The following ELP6 variants were observed in gnomAD, a reference collection of about 807,000 sequenced individuals.
ELP6 encodes the protein elongator complex protein 6.
A neutral mutation model predicts 28.1 loss-of-function variants in ELP6; 23 were observed. The ratio of observed to expected loss-of-function variants is 0.82; its 90% CI spans 0.59 to 1.16. ELP6 has a LOEUF of 1.16. Among genes scored for constraint, ELP6 ranks in the 50% most tolerant of loss-of-function variants. ELP6 has a pLI of 0.00. For synonymous variants in ELP6, 132 were observed against 135.8 expected, an observed-to-expected ratio of 0.97 and a Z score of 0.19; for missense variants, 313 against 334.6, an observed-to-expected ratio of 0.94 and a Z score of 0.50.
rs1179494287 is a variant in ELP6 at position 47,501,815 on chromosome 3, C to T, written c.360G>A (p.Glu120=). The change falls in exon 5 of 7, where the codon GAG becomes GAA. Residue 120 remains glutamate (E), a synonymous_variant. Transcript: ENST00000296149. ...ANAGNLKPLF[E]FVREALKPVD... ...CTGGCTTCAGGGCCTCCCGTACAAA[C>T]TCAAACAATGGTTTCAAGTTCCCAG... The T allele has an allele frequency of 1.2e-6, 2 of 1,613,928 alleles. No individual in the cohort carries two copies. The highest frequency in any genetic ancestry group is 1.7e-6 in the Non-Finnish European group (2 of 1,180,002).
intron 3 of ELP6, among the ~76,000 whole-genome samples, chr3:47,506,908 C>T (rs530027972): frequency 3.3e-5 from 5 of 152,290 alleles, no homozygotes; most frequent in East Asian, 3.9e-4. Flanking sequence ...TGGCTTCAGC[C>T]GGTCCCTCCG....
In ELP6 at chr3:47,503,318, C is replaced by T. The variant is rs17079693; in HGVS notation, c.323+1012G>A. 0.014 allele frequency: 17,819 copies of T among 1,288,152 alleles called. 2,045 individuals carry two copies. The African/African-American group carries it at 0.24, about 17-fold the overall frequency. The allele number at this position is 1,288,152 out of a possible 1,614,324, so 79.8% of individuals were successfully genotyped here. A position where few individuals can be genotyped will look rare whatever the true frequency, so the allele number is the denominator to read the frequency against. ...GGACCACTTTGTAGTGGACGAAGAA[C>T]AGCAGCCAAGCGGGGAGTCTTCACA... On this transcript the variant is annotated intron_variant, in intron 4 of 6. Coordinates refer to ENST00000296149, the MANE Select transcript of ELP6 (RefSeq NM_001031703.3).
At position 47,495,831 on chromosome 3, in the gene ELP6, G is replaced by A. The variant is rs1288580418; in HGVS notation, c.*238C>T. On this transcript the variant is annotated 3_prime_UTR_variant, in exon 7 of 7. Transcript: ENST00000296149. ...GCTCCAAAGGACCCCTTTCACTTGG[G>A]TCTAGCATCCAGCCTCTCTCTCAGC... 1 of 547,798 alleles carries A rather than the reference G, an allele frequency of 1.8e-6. No homozygotes were observed. The highest frequency in any genetic ancestry group is 2.0e-5 in the African/African-American group (1 of 50,934). 33.9% of individuals were successfully genotyped at this position (547,798 alleles called of 1,614,324 possible).
In ELP6 at chr3:47,511,158, G is replaced by A. The variant is rs1344143762; in HGVS notation, c.123C>T (p.Phe41=). ...CAATGAGTCCCATACCTTTGAGATA[G>A]AAGGAGAGAAAGTGGTGTACAAGGA... The part of the protein sequence containing the change: ...GSFLVHHFLS[F]YLKANCKVCF... Residue 41 remains phenylalanine (F), a synonymous_variant, in exon 2 of 7, where the codon TTC becomes TTT. Coordinates refer to ENST00000296149, the MANE Select transcript of ELP6 (RefSeq NM_001031703.3). 6.2e-7 allele frequency: 1 copy of A among 1,613,858 alleles called. No individual in the cohort carries two copies. The highest frequency in any genetic ancestry group is 1.1e-5 in the South Asian group (1 of 91,074).
intron 5 of ELP6, among the ~76,000 whole-genome samples, chr3:47,500,611 T>C (rs776751455): frequency 1.3e-5 from 2 of 152,186 alleles, no homozygotes; most frequent in African/African-American, 2.4e-5. Flanking sequence ...CAGACCCAGC[T>C]GGGCTGCAGA....
Position 47,504,342 on chromosome 3 carries a change from AG to A in ELP6, c.310del (p.Leu104CysfsTer12), listed in dbSNP as rs1324970227. ...TAGGCTGACTGACCTGAGAAACTGC[AG>A]GGGGTGTGGCTCCTTTTGAGCCTGG... ...VFQAQKEPHPLQFLREANAGN... is the reference protein window; with the variant it reads ...VFQAQKEPHPXQFLREANAGN... On this transcript the variant is annotated frameshift_variant, in exon 4 of 7. Transcript: ENST00000296149. LOFTEE classifies it high-confidence loss of function. 2.5e-6 allele frequency: 4 copies of A among 1,606,730 alleles called. No homozygotes were observed. The highest frequency in any genetic ancestry group is 3.4e-6 in the Non-Finnish European group (4 of 1,176,030).
At chr3:47,510,547 C>T (rs962867917) in intron 2 of ELP6, among the ~76,000 whole-genome samples, 4 of 152,186 alleles carry the variant, frequency 2.6e-5, no homozygotes, top group African/African-American at 9.7e-5. Context: ...TGGCTCACTG[C>T]AGCCTAAACC....
intron 6 of ELP6, 23 bp downstream of exon 6, chr3:47,498,263 T>C: frequency 6.2e-7 from 1 of 1,612,140 alleles, no homozygotes; most frequent in Non-Finnish European, 8.5e-7. Context: ...AAGAAGCCTG[T>C]TGCCCAGGAG....
chr3:47,499,760 G>A, intron 5 of ELP6: 3 of 1,041,458 alleles, frequency 2.9e-6, no homozygotes, highest in South Asian at 3.1e-5. Context: ...CTGTAGGGGT[G>A]CAAAGCAGCA....
intron 5 of ELP6, 42 bp downstream of exon 5, chr3:47,501,608 G>A (rs1708653569): frequency 3.8e-6 from 6 of 1,587,464 alleles, no homozygotes; most frequent in Non-Finnish European, 5.2e-6. Context: ...CTGAGTTCTT[G>A]GAGGTCACAG....
At chr3:47,511,538 AG>A in intron 1 of ELP6, 5 of 938,088 alleles carry the variant, frequency 5.3e-6, no homozygotes, top group Non-Finnish European at 6.4e-6. Context: ...AACCAGTCTT[AG>A]GAAGAATTGG....
rs765667206 is a variant in ELP6 at position 47,501,622 on chromosome 3, G to A, written c.525+28C>T. On this transcript the variant is annotated intron_variant, in intron 5 of 6. Coordinates refer to ENST00000296149, the MANE Select transcript of ELP6 (RefSeq NM_001031703.3). ...TCTGAGTTCTTGGAGGTCACAGGTGGGCGCAGAGAAGGCAGTTCCATGAGT... is the reference window on the plus strand; with the variant it reads ...TCTGAGTTCTTGGAGGTCACAGGTGAGCGCAGAGAAGGCAGTTCCATGAGT... 4.5e-5 allele frequency: 72 copies of A among 1,608,696 alleles called. 1 individual carries two copies. The highest frequency in any genetic ancestry group is 5.9e-5 in the Non-Finnish European group (69 of 1,175,282).
chr3:47,511,439 T>G, intron 1 of ELP6: 1 of 1,366,666 alleles, frequency 7.3e-7, no homozygotes, highest in Non-Finnish European at 9.4e-7. Flanking sequence ...TTACTCATGA[T>G]AGGCAAGCAT....
chr3:47,505,589 G>A (rs1708809114), intron 3 of ELP6, among the ~76,000 whole-genome samples: 1 of 151,832 alleles, frequency 6.6e-6, no homozygotes, highest in African/African-American at 2.4e-5. Flanking sequence ...TATTTATTTA[G>A]AGATGGAGTT....
rs911159793 is a variant in ELP6 at position 47,499,959 on chromosome 3, C to T, written c.526-1527G>A. On this transcript the variant is annotated intron_variant, in intron 5 of 6. Transcript: ENST00000296149. Reference sequence around the variant, plus strand: ...TGCAGCTTCCGAGTCCTGGTGGTGTCGGCCAAGTTTGAGGGGAAGCTGCTG... The same window carrying T: ...TGCAGCTTCCGAGTCCTGGTGGTGTTGGCCAAGTTTGAGGGGAAGCTGCTG... 1.3e-5 allele frequency: 17 copies of T among 1,350,992 alleles called. No individual in the cohort carries two copies. In the African/African-American group the frequency reaches 1.3e-4, roughly 11 times the overall value. 83.7% of individuals were successfully genotyped at this position (1,350,992 alleles called of 1,614,324 possible).
At chr3:47,504,483 T>C in intron 3 of ELP6, 35 bp from the exon 4 acceptor site, 5 of 1,564,844 alleles carry the variant, frequency 3.2e-6, no homozygotes, top group Non-Finnish European at 3.5e-6. Context: ...TACTATGCCT[T>C]GTAGGGGAAC....
rs74642094 is a variant in ELP6, at chr3:47,512,583, A to G, written c.54+954T>C. ...TAAATAAATAAATAAGCCAAAAGAT[A>G]CACTCCTGAAAGAGGTTACTCCTAC... On this transcript the variant is annotated intron_variant, in intron 1 of 6. Coordinates refer to ENST00000296149, the MANE Select transcript of ELP6 (RefSeq NM_001031703.3). 2,023 of 981,478 alleles carry G rather than the reference A, an allele frequency of 2.1e-3. 1 individual carries two copies. Among genetic ancestry groups the G allele is most frequent in the Non-Finnish European group, 2.2e-3 (1,846 of 826,352 alleles). The allele number at this position is 981,478 out of a possible 1,614,324, so 60.8% of individuals were successfully genotyped here. A position where few individuals can be genotyped will look rare whatever the true frequency, so the allele number is the denominator to read the frequency against.
Position 47,501,734 on chromosome 3 carries a change from A to G in ELP6, c.441T>C (p.Ser147=). Residue 147 remains serine (S), a synonymous_variant, in exon 5 of 7, where the codon AGT becomes AGC. Coordinates refer to ENST00000296149, the MANE Select transcript of ELP6 (RefSeq NM_001031703.3). ...CCCCCATGCCCAGGCTCAGGAGCAC[A>G]CTGAGGTCGTCCACCAACAGCACCG... The part of the protein sequence containing the change: ...TYPVLLVDDL[S]VLLSLGMGAV... The G allele has an allele frequency of 6.2e-7, 1 of 1,613,996 alleles. No homozygotes were observed.
intron 3 of ELP6, among the ~76,000 whole-genome samples, chr3:47,506,175 G>A (rs1256470254): frequency 2.6e-5 from 4 of 152,158 alleles, no homozygotes; most frequent in African/African-American, 4.8e-5. Flanking sequence ...CGGAGTGTGC[G>A]AATAGGTGTG....
Sources: gnomAD v4.1 joint callset for allele counts (sites outside exome capture counted in the v4.1 genomes callset) on GRCh38, gnomAD v4.1.1 for gene constraint, MANE v1.5 for transcripts, NCBI Gene and HGNC (gene_info 2026-07-23, HGNC 2026-07-21) for gene names.